The following FAM200B variants were observed in gnomAD, a reference collection of about 807,000 sequenced individuals.
The protein encoded by FAM200B is protein FAM200B.
A neutral mutation model predicts 33.1 loss-of-function variants in FAM200B; 32 were observed. The observed-to-expected ratio is 0.97, with a 90% CI of 0.73 to 1.30. The LOEUF (loss-of-function observed/expected upper bound fraction) is 1.30. FAM200B is among the 50% of genes most tolerant of loss of function. The pLI is 0.00. For missense variants in FAM200B, 741 were observed against 754.0 expected, an observed-to-expected ratio of 0.98 and a Z score of 0.20; for synonymous variants, 240 against 264.8, an observed-to-expected ratio of 0.91 and a Z score of 0.91.
the FAM200B span, chr4:15,641,518 G>T: frequency 5.1e-6 from 2 of 395,650 alleles, no homozygotes; most frequent in African/African-American, 2.4e-5. Flanking sequence ...CTTTTCTCTA[G>T]CTTACCTTAC....
chr4:15,656,327 G>A, the FAM200B span: 1 of 456,230 alleles, frequency 2.2e-6, no homozygotes, highest in Non-Finnish European at 4.4e-6. Flanking sequence ...TCTTAGATTG[G>A]TTGGCTGGAG....
the FAM200B span, among the ~76,000 whole-genome samples, chr4:15,648,601 T>A: frequency 6.6e-6 from 1 of 152,080 alleles, no homozygotes; most frequent in Non-Finnish European, 1.5e-5. Context: ...GACAGCTAAG[T>A]GAAATAAGCC....
At chr4:15,640,212 T>C in the FAM200B span, among the ~76,000 whole-genome samples, 1 of 151,922 alleles carries the variant, frequency 6.6e-6, no homozygotes, top group Non-Finnish European at 1.5e-5. Context: ...AGCTGATTTT[T>C]TTAATTTTTA....
the FAM200B span, among the ~76,000 whole-genome samples, chr4:15,652,124 A>C: frequency 6.6e-6 from 1 of 152,186 alleles, no homozygotes; most frequent in Non-Finnish European, 1.5e-5. Flanking sequence ...GAATTAATGG[A>C]GTTAACCTTG....
rs750410152 is a variant in FAM200B, at chr4:15,688,886, G to A, written c.1909G>A (p.Val637Ile). 87 of 1,549,198 alleles carry A rather than the reference G, an allele frequency of 5.6e-5. No homozygotes were observed. The highest frequency in any genetic ancestry group is 7.6e-5 in the Non-Finnish European group (87 of 1,145,764). ...NGLNCAAVMR[V>I]ALSSCVPDWN... The stretch of plus-strand genomic sequence containing the variant: ...GCTGAATTGTGCAGCAGTTATGCGG[G>A]TAGCATTATCTTCCTGTGTTCCAGA... The change falls in exon 2 of 2, where the codon GTA (valine) becomes ATA (isoleucine). Residue 637 changes from valine to isoleucine, a missense_variant. Val to Ile is a conservative substitution (Grantham distance 29, BLOSUM62 3). Coordinates refer to ENST00000422728, the MANE Select transcript of FAM200B (RefSeq NM_001145191.2).
At chr4:15,654,597 A>G in the FAM200B span, among the ~76,000 whole-genome samples, 1 of 152,244 alleles carries the variant, frequency 6.6e-6, no homozygotes, top group Admixed American at 6.5e-5. Flanking sequence ...ATGAAGAGTG[A>G]AGGTTCTTCA....
chr4:15,656,088 A>T, the FAM200B span: 1 of 435,676 alleles, frequency 2.3e-6, no homozygotes, highest in South Asian at 1.6e-5. Context: ...CCTCAAGTGC[A>T]GGAACGCGGG....
chr4:15,654,911 C>G, the FAM200B span, among the ~76,000 whole-genome samples: 1 of 152,056 alleles, frequency 6.6e-6, no homozygotes, highest in South Asian at 2.1e-4. Flanking sequence ...GGGGCCGGCC[C>G]GAGGGCGGCC....
chr4:15,655,080 C>G, the FAM200B span: 4 of 666,596 alleles, frequency 6.0e-6, no homozygotes, highest in Non-Finnish European at 8.1e-6. Context: ...GCTGCGCAGG[C>G]GGCTACTCGC....
the FAM200B span, chr4:15,644,640 G>A: frequency 6.2e-7 from 1 of 1,614,050 alleles, no homozygotes; most frequent in Non-Finnish European, 8.5e-7. Flanking sequence ...TGAACTCCTT[G>A]AAAGTAGCAT....
rs1221593922 is a variant in FAM200B, at chr4:15,687,172, A to G, written c.195A>G (p.Glu65=). ...AAGTAAGTGCAAGACGTTATAATGA[A>G]GATTACTTAAAATATGGCTTTATCA... ...KKKVSARRYN[E]DYLKYGFIKC... is the part of the protein sequence containing the mutation. Residue 65 remains glutamate, a synonymous_variant, in exon 2 of 2, where the codon GAA becomes GAG. Transcript: ENST00000422728. The G allele has an allele frequency of 1.3e-6, 2 of 1,541,788 alleles. No individual in the cohort carries two copies. The highest frequency in any genetic ancestry group is 2.8e-5 in the African/African-American group (2 of 72,480).
chr4:15,683,256 T>C (rs1450157843), intron 1 of FAM200B, among the ~76,000 whole-genome samples: 3 of 152,184 alleles, frequency 2.0e-5, no homozygotes, highest in Admixed American at 2.0e-4. Context: ...CTTGCAACAT[T>C]TTCTACTTCG....
At chr4:15,650,582 TA>T in the FAM200B span, among the ~76,000 whole-genome samples, 169 of 151,764 alleles carry the variant, frequency 1.1e-3, no homozygotes, top group African/African-American at 3.9e-3. Flanking sequence ...AAAGAACTTA[TA>T]TATATAAAAG....
chr4:15,673,054 A>C, the FAM200B span, among the ~76,000 whole-genome samples: 1 of 152,316 alleles, frequency 6.6e-6, no homozygotes, highest in South Asian at 2.1e-4. Context: ...ATCTATGATA[A>C]CAATGCCTTC....
chr4:15,659,788 C>T, the FAM200B span: 1 of 966,900 alleles, frequency 1.0e-6, no homozygotes, highest in Non-Finnish European at 1.2e-6. Context: ...GATTTTCAAC[C>T]AGAGGCTCTA....
At chr4:15,681,005 G>A (rs1231298168), upstream of FAM200B, among the ~76,000 whole-genome samples, 1 of 150,194 alleles carries the variant, frequency 6.7e-6, no homozygotes, top group Non-Finnish European at 1.5e-5. Context: ...AATTTGGTTT[G>A]TGACAAAGAT....
chr4:15,687,570 A>G lies in FAM200B; in HGVS notation c.593A>G (p.Asn198Ser). The G allele has an allele frequency of 6.5e-7, 1 of 1,550,236 alleles. No homozygotes were observed. Among genetic ancestry groups the G allele is most frequent in the Non-Finnish European group, 8.7e-7 (1 of 1,146,060 alleles). ...AAATTAAAAACTATACCTAATGATAACACAGTATCTCTTCGAATTTGTACT... is the reference window on the plus strand; with the variant it reads ...AAATTAAAAACTATACCTAATGATAGCACAGTATCTCTTCGAATTTGTACT... ...ADKLKTIPND[N>S]TVSLRICTIA... Residue 198 changes from asparagine (N) to serine (S), a missense_variant, in exon 2 of 2, where the codon AAC (asparagine) becomes AGC (serine). Transcript: ENST00000422728.
At chr4:15,645,088 G>T in the FAM200B span, among the ~76,000 whole-genome samples, 1 of 151,968 alleles carries the variant, frequency 6.6e-6, no homozygotes, top group Non-Finnish European at 1.5e-5. Flanking sequence ...AAATACAACA[G>T]ACGGGTAGAT....
the FAM200B span, among the ~76,000 whole-genome samples, chr4:15,670,174 A>G: frequency 1.3e-5 from 2 of 152,184 alleles, no homozygotes; most frequent in African/African-American, 4.8e-5. Context: ...TATTCACCTG[A>G]TAGGCACTTT....
Sources: allele counts gnomAD v4.1 joint callset (sites outside exome capture counted in the v4.1 genomes callset), GRCh38; gene constraint gnomAD v4.1.1; transcripts MANE v1.5; gene names NCBI Gene and HGNC (gene_info 2026-07-23, HGNC 2026-07-21).